CIB4: variants seen among roughly 807,000 people sequenced by gnomAD.
The protein encoded by CIB4 is calcium and integrin binding family member 4.
Under a neutral mutation model 25.8 loss-of-function variants are expected in CIB4, and 25 were observed. That is an observed-to-expected ratio of 0.97 (90% CI 0.71 to 1.35). The LOEUF is 1.35. Among genes scored for constraint, CIB4 ranks in the 40% most tolerant of loss-of-function variants. The probability of loss-of-function intolerance (pLI) is 0.00; values close to 1 mark genes in which losing one functional copy is unlikely to be tolerated. For missense variants in CIB4, 235 were observed against 228.2 expected, an observed-to-expected ratio of 1.03 and a Z score of -0.19; for synonymous variants, 75 against 81.4, an observed-to-expected ratio of 0.92 and a Z score of 0.42.
At chr2:26,629,293 G>A (rs1358684101) in intron 3 of CIB4, 117 bp downstream of exon 3, 1 of 681,262 alleles carries the variant, frequency 1.5e-6, no homozygotes, top group African/African-American at 1.8e-5. Context: ...CCCTTGGAGT[G>A]AGGTGACCAT....
chr2:26,589,182 C>A (rs1218671046), intron 4 of CIB4, among the ~76,000 whole-genome samples: 1 of 145,680 alleles, frequency 6.9e-6, no homozygotes, highest in Non-Finnish European at 1.5e-5. Flanking sequence ...CCTTCTTCCT[C>A]TTCCTCTTCC....
chr2:26,629,124 G>T (rs1207955753), intron 3 of CIB4, among the ~76,000 whole-genome samples: 2 of 152,196 alleles, frequency 1.3e-5, no homozygotes, highest in Non-Finnish European at 2.9e-5. Flanking sequence ...CCTGGAGCAG[G>T]TCTCATGCCC....
At chr2:26,612,347 C>G (rs937898507) in intron 3 of CIB4, among the ~76,000 whole-genome samples, 1 of 152,256 alleles carries the variant, frequency 6.6e-6, no homozygotes, top group Non-Finnish European at 1.5e-5. Context: ...CTTAGAGCAT[C>G]TATGTCTGTA....
At chr2:26,590,292 G>T (rs1434595158) in intron 4 of CIB4, among the ~76,000 whole-genome samples, 2 of 136,720 alleles carry the variant, frequency 1.5e-5, no homozygotes, top group Non-Finnish European at 3.0e-5. Context: ...AAACTCACAG[G>T]TGATTCAATG....
chr2:26,595,418 G>A (rs1303863099), intron 3 of CIB4, 101 bp from the exon 4 acceptor site: 1 of 1,302,696 alleles, frequency 7.7e-7, no homozygotes, highest in East Asian at 2.4e-5. Flanking sequence ...CTGGGTTTGA[G>A]ATGAAGACAA....
intron 4 of CIB4, among the ~76,000 whole-genome samples, chr2:26,591,689 AT>A (rs1354619860): frequency 3.9e-5 from 6 of 152,314 alleles, no homozygotes; most frequent in Admixed American, 3.3e-4. Flanking sequence ...GGCAAAAGTG[AT>A]GGGCTGTCAC....
At chr2:26,632,466 C>A in intron 2 of CIB4, among the ~76,000 whole-genome samples, 1 of 151,938 alleles carries the variant, frequency 6.6e-6, no homozygotes, top group East Asian at 1.9e-4. Flanking sequence ...CTACAAGGGG[C>A]GAGGGGTAGG....
At chr2:26,604,640 G>A (rs555133968) in intron 3 of CIB4, among the ~76,000 whole-genome samples, 2 of 152,258 alleles carry the variant, frequency 1.3e-5, no homozygotes, top group East Asian at 3.9e-4. Flanking sequence ...CTGGGTGAAT[G>A]CATCAGCAGT....
At chr2:26,637,855 A>G (rs1485219293) in intron 2 of CIB4, among the ~76,000 whole-genome samples, 1 of 152,202 alleles carries the variant, frequency 6.6e-6, no homozygotes, top group Non-Finnish European at 1.5e-5. Flanking sequence ...TCTCACTGGT[A>G]TCACCTTCCC....
At chr2:26,613,034 G>C (rs1222951045) in intron 3 of CIB4, among the ~76,000 whole-genome samples, 3 of 152,194 alleles carry the variant, frequency 2.0e-5, no homozygotes, top group Non-Finnish European at 4.4e-5. Flanking sequence ...GAGAGAAGGA[G>C]GATCCTTTCC....
chr2:26,582,787 C>A, intron 6 of CIB4, 38 bp downstream of exon 6: 1 of 1,349,614 alleles, frequency 7.4e-7, no homozygotes, highest in Non-Finnish European at 1.1e-6. Context: ...GCCCCCACCA[C>A]TCTCCTGGAC....
intron 4 of CIB4, among the ~76,000 whole-genome samples, chr2:26,588,988 TTCTTCTTCTTCTTCTTCTTCTTCTTCTTC>T (rs1668511046): frequency 2.5e-5 from 1 of 40,064 alleles, no homozygotes; most frequent in African/African-American, 1.0e-4. Context: ...TTTCTTCTTC[TTCTTCTTCTTCTTCTTCTTCTTCTTCTTC>T]TTCTTCTTCT....
chr2:26,591,577 C>G (rs1226064914), intron 4 of CIB4, among the ~76,000 whole-genome samples: 3 of 152,224 alleles, frequency 2.0e-5, no homozygotes, highest in Non-Finnish European at 4.4e-5. Context: ...CTAGTGACCT[C>G]TCTCCTAAGA....
chr2:26,590,986 T>C (rs1039052455), intron 4 of CIB4, among the ~76,000 whole-genome samples: 3 of 152,234 alleles, frequency 2.0e-5, no homozygotes, highest in African/African-American at 7.2e-5. Flanking sequence ...ATGTCGCAGC[T>C]GAACACGATT....
chr2:26,614,724 T>G (rs1669059297), intron 3 of CIB4, among the ~76,000 whole-genome samples: 1 of 152,210 alleles, frequency 6.6e-6, no homozygotes, highest in Non-Finnish European at 1.5e-5. Flanking sequence ...TGAGATGCTG[T>G]GTGTGCAGAG....
intron 2 of CIB4, 63 bp downstream of exon 2, chr2:26,640,470 G>C: frequency 6.5e-7 from 1 of 1,546,216 alleles, no homozygotes; most frequent in East Asian, 2.3e-5. Context: ...GCTGTATTAG[G>C]GCAAGAATCC....
chr2:26,581,863 C>G (rs1668352367), intron 6 of CIB4, among the ~76,000 whole-genome samples: 1 of 152,210 alleles, frequency 6.6e-6, no homozygotes, highest in Non-Finnish European at 1.5e-5. Context: ...ACCATGGCCA[C>G]TCAGATTCTG....
chr2:26,639,675 C>A (rs1669599510), intron 2 of CIB4, among the ~76,000 whole-genome samples: 1 of 152,090 alleles, frequency 6.6e-6, no homozygotes, highest in South Asian at 2.1e-4. Context: ...GTGCCCTGGC[C>A]ATCCCCCATC....
chr2:26,630,788 A>C (rs890797923), intron 2 of CIB4, among the ~76,000 whole-genome samples: 3 of 152,068 alleles, frequency 2.0e-5, no homozygotes, highest in Non-Finnish European at 2.9e-5. Context: ...AGTGTTTGGT[A>C]GGTAAGAGTG....
Sources: gnomAD v4.1 joint callset for allele counts (sites outside exome capture counted in the v4.1 genomes callset) on GRCh38, gnomAD v4.1.1 for gene constraint, MANE v1.5 for transcripts, NCBI Gene and HGNC (gene_info 2026-07-23, HGNC 2026-07-21) for gene names.